The following CLTCL1 variants were observed in gnomAD, a reference collection of about 807,000 sequenced individuals.
CLTCL1 encodes clathrin heavy chain 2.
In CLTCL1, 159 loss-of-function variants were observed where a neutral mutation model predicts 190.0. That is an observed-to-expected ratio of 0.84 (90% CI 0.74 to 0.95). The LOEUF (loss-of-function observed/expected upper bound fraction) is 0.95. Ranked by LOEUF, CLTCL1 falls within the 40% of genes least tolerant of loss-of-function variation. CLTCL1 has a pLI of 0.00. For missense variants in CLTCL1, 1,878 were observed against 2,033.4 expected, an observed-to-expected ratio of 0.92 and a Z score of 1.47; for synonymous variants, 752 against 769.6, an observed-to-expected ratio of 0.98 and a Z score of 0.38.
chr22:19,184,741 T>C (rs782021682), intron 29 of CLTCL1: 11 of 350,952 alleles, frequency 3.1e-5, no homozygotes, highest in Non-Finnish European at 5.1e-5. Context: ...ACTGTCTCAC[T>C]GCCTTCCCAG....
chr22:19,190,306 C>T (rs554329206), intron 27 of CLTCL1, among the ~76,000 whole-genome samples: 1 of 152,276 alleles, frequency 6.6e-6, no homozygotes, highest in East Asian at 1.9e-4. Flanking sequence ...AATAGGGAGG[C>T]CCAAGGAAAG....
At chr22:19,182,462 G>A (rs1006976861) in intron 30 of CLTCL1, 1 of 152,348 alleles carries the variant, frequency 6.6e-6, no homozygotes, top group African/African-American at 2.4e-5. Flanking sequence ...CAGATGGGAT[G>A]GGGTCACACT....
chr22:19,257,157 C>A (rs1351974404), intron 2 of CLTCL1, among the ~76,000 whole-genome samples: 1 of 152,104 alleles, frequency 6.6e-6, no homozygotes, highest in Non-Finnish European at 1.5e-5. Flanking sequence ...TAAAGATGAA[C>A]AAGGTTGGAT....
intron 18 of CLTCL1, 122 bp downstream of exon 18, chr22:19,219,763 G>A (rs994871237): frequency 2.1e-6 from 3 of 1,415,920 alleles, no homozygotes; most frequent in Non-Finnish European, 2.9e-6. Flanking sequence ...TGGCATTACA[G>A]GCGTGAGCCA....
rs542250397 is a variant in CLTCL1, at chr22:19,215,657, C to T, written c.3065+454G>A. On this transcript the variant is annotated intron_variant, in intron 19 of 32. Transcript: ENST00000427926. Reference sequence around the variant, plus strand: ...ATAGTGCCGGGCCTGTGCTGCTGCCCCTGCCACAGCTCCTGCTCATCTGGC... The same window carrying T: ...ATAGTGCCGGGCCTGTGCTGCTGCCTCTGCCACAGCTCCTGCTCATCTGGC... 3.9e-5 allele frequency among the ~76,000 whole-genome samples: 6 copies of T among 152,334 alleles called. No homozygotes were observed. The South Asian group carries it at 1.2e-3, about 32-fold the overall frequency.
At chr22:19,252,273 C>A (rs1346159340) in intron 3 of CLTCL1, among the ~76,000 whole-genome samples, 1 of 152,182 alleles carries the variant, frequency 6.6e-6, no homozygotes, top group Non-Finnish European at 1.5e-5. Flanking sequence ...ATCACTCTCA[C>A]TCAAAACCTG....
intron 17 of CLTCL1, 43 bp downstream of exon 17, chr22:19,221,334 G>T: frequency 6.9e-7 from 1 of 1,451,844 alleles, no homozygotes; most frequent in South Asian, 1.3e-5. Flanking sequence ...GCTTCCCTGG[G>T]AGCCCAGGGT....
intron 2 of CLTCL1, among the ~76,000 whole-genome samples, chr22:19,263,139 C>CA (rs2087006948): frequency 6.6e-6 from 1 of 151,430 alleles, no homozygotes; most frequent in Non-Finnish European, 1.5e-5. Context: ...TATTTTGAGA[C>CA]AGAGTCTCTC....
chr22:19,285,158 C>T (rs1242700861), intron 1 of CLTCL1, among the ~76,000 whole-genome samples: 1 of 150,996 alleles, frequency 6.6e-6, no homozygotes. Context: ...GCCTGTAGTC[C>T]CAGCTACTCG....
At chr22:19,277,776 T>C (rs2087568373) in intron 1 of CLTCL1, among the ~76,000 whole-genome samples, 1 of 152,128 alleles carries the variant, frequency 6.6e-6, no homozygotes, top group Non-Finnish European at 1.5e-5. Flanking sequence ...CACCACCTAG[T>C]TATCCTACAA....
intron 2 of CLTCL1, among the ~76,000 whole-genome samples, chr22:19,254,475 A>G (rs2086690205): frequency 6.6e-6 from 1 of 152,242 alleles, no homozygotes; most frequent in Non-Finnish European, 1.5e-5. Flanking sequence ...TCATAGAAAT[A>G]TGTGAATAAC....
At position 19,221,545 on chromosome 22, in the gene CLTCL1, G is replaced by GT. The variant is rs1569188586; in HGVS notation, c.2627dup (p.His876GlnfsTer6). The GT allele has an allele frequency of 3.1e-6, 5 of 1,605,696 alleles. No individual in the cohort carries two copies. Among genetic ancestry groups the GT allele is most frequent in the Non-Finnish European group, 4.3e-6 (5 of 1,175,996 alleles). Reference sequence around the variant, plus strand: ...CGATGTAGATTTTAGCCAGTGCATTGTGAGTGGCAGGCTCCTCACAGCCTT... The same window carrying GT: ...CGATGTAGATTTTAGCCAGTGCATTGTTGAGTGGCAGGCTCCTCACAGCCTT... On this transcript the variant is annotated frameshift_variant, in exon 17 of 33. Transcript: ENST00000427926. LOFTEE classifies it high-confidence loss of function.
At position 19,190,534 on chromosome 22, in the gene CLTCL1, G is replaced by A. The variant is rs574687288; in HGVS notation, c.4323+770C>T. On this transcript the variant is annotated intron_variant, in intron 27 of 32. Transcript: ENST00000427926. ...AGATTGCTTGAGGCCAGGAGTTCAA[G>A]GTTGCAGTGAGGTATGACCATGCCA... Among the ~76,000 whole-genome samples the A allele has an allele frequency of 1.3e-4, 19 of 142,794 alleles. No homozygotes were observed. The South Asian group carries it at 4.2e-3, about 32-fold the overall frequency. 93.7% of individuals were successfully genotyped at this position (142,794 alleles called of 152,430 possible).
At chr22:19,278,997 C>T (rs868993621) in intron 1 of CLTCL1, among the ~76,000 whole-genome samples, 3 of 152,122 alleles carry the variant, frequency 2.0e-5, no homozygotes, top group Non-Finnish European at 2.9e-5. Context: ...CTGCCTTGGC[C>T]TCCCAAAGTG....
chr22:19,183,700 T>C (rs376239979), intron 29 of CLTCL1, 89 bp from the exon 30 acceptor site: 5 of 1,285,540 alleles, frequency 3.9e-6, no homozygotes, highest in African/African-American at 1.5e-5. Flanking sequence ...GGAGTGGCAC[T>C]AGACTCCACC....
chr22:19,239,124 C>T (rs556843703), intron 5 of CLTCL1, 151 bp downstream of exon 5: 242 of 654,750 alleles, frequency 3.7e-4, no homozygotes, highest in African/African-American at 7.0e-4. Context: ...CCAGCTCACA[C>T]GCCAAAGCCT....
chr22:19,242,952 A>G lies in CLTCL1; in HGVS notation c.520-16T>C. On this transcript the variant is annotated splice_polypyrimidine_tract_variant and intron_variant, in intron 3 of 32. Coordinates refer to ENST00000427926, the MANE Select transcript of CLTCL1 (RefSeq NM_007098.4). ...CACGGTTTTGCTAAGAAAAGATATT[A>G]TGCAATGAAAGGGAGAGAAAAGAGA... 1 of 1,606,506 alleles carries G rather than the reference A, an allele frequency of 6.2e-7. No individual in the cohort carries two copies. The highest frequency in any genetic ancestry group is 8.5e-7 in the Non-Finnish European group (1 of 1,174,800).
At chr22:19,281,049 G>A (rs1290533854) in intron 1 of CLTCL1, among the ~76,000 whole-genome samples, 3 of 151,820 alleles carry the variant, frequency 2.0e-5, no homozygotes, top group African/African-American at 7.3e-5. Flanking sequence ...CCAGCACTCT[G>A]GGAGGCCGAG....
At chr22:19,180,576 G>C (rs1014962974) in intron 31 of CLTCL1, among the ~76,000 whole-genome samples, 155 bp downstream of exon 31, 12 of 152,152 alleles carry the variant, frequency 7.9e-5, no homozygotes, top group Non-Finnish European at 1.5e-4. Context: ...ATTCCTGGGC[G>C]TACACTTCTC....
Sources: gnomAD v4.1 joint callset for allele counts (sites outside exome capture counted in the v4.1 genomes callset) on GRCh38, gnomAD v4.1.1 for gene constraint, MANE v1.5 for transcripts, NCBI Gene and HGNC (gene_info 2026-07-23, HGNC 2026-07-21) for gene names.